Variants in HS3ST3A1 observed in about 807,000 individuals in gnomAD.
HS3ST3A1 encodes heparan sulfate glucosamine 3-O-sulfotransferase 3A1.
In HS3ST3A1, 19 loss-of-function variants were observed where a neutral mutation model predicts 25.7. That is an observed-to-expected ratio of 0.74 (90% CI 0.52 to 1.08). The LOEUF (loss-of-function observed/expected upper bound fraction) is 1.08, where lower values mean the gene tolerates loss of function less well. Ranked by LOEUF, HS3ST3A1 falls within the 50% of genes least tolerant of loss-of-function variation. The pLI, the probability that HS3ST3A1 is intolerant of heterozygous loss-of-function variation, is 0.00. For missense variants in HS3ST3A1, 459 were observed against 594.3 expected (o/e 0.77, Z 2.37); for synonymous variants, 226 against 278.6 (o/e 0.81, Z 1.88).
chr17:13,539,256 GCAAAT>G (rs771163224), intron 1 of HS3ST3A1, among the ~76,000 whole-genome samples: 44 of 152,204 alleles, frequency 2.9e-4, no homozygotes, highest in Non-Finnish European at 5.0e-4. Context: ...AGTAGCTGAT[GCAAAT>G]CCCAAGGCCA....
At chr17:13,563,526 ACTAGT>A (rs777310826) in intron 1 of HS3ST3A1, among the ~76,000 whole-genome samples, 23 of 152,206 alleles carry the variant, frequency 1.5e-4, no homozygotes, top group Non-Finnish European at 2.6e-4. Context: ...ATGTCCAGCT[ACTAGT>A]CTAAAGTGTT....
intron 1 of HS3ST3A1, among the ~76,000 whole-genome samples, chr17:13,505,989 T>G (rs1905656123): frequency 7.2e-6 from 1 of 138,152 alleles, no homozygotes; most frequent in Non-Finnish European, 1.5e-5. Flanking sequence ...GTCTCGCCAC[T>G]GCACTCCAGC....
intron 1 of HS3ST3A1, among the ~76,000 whole-genome samples, chr17:13,566,656 T>C (rs914473961): frequency 4.6e-5 from 7 of 152,130 alleles, no homozygotes; most frequent in Non-Finnish European, 1.0e-4. Flanking sequence ...AACACACAAA[T>C]GATAAGAAAG....
At chr17:13,573,980 C>T (rs1029985757) in intron 1 of HS3ST3A1, among the ~76,000 whole-genome samples, 1 of 152,126 alleles carries the variant, frequency 6.6e-6, no homozygotes, top group South Asian at 2.1e-4. Context: ...GACTTTCCAA[C>T]CTCCATAGAA....
chr17:13,598,430 C>T lies in HS3ST3A1; in HGVS notation c.599+2101G>A, dbSNP rs561600083. Among the ~76,000 whole-genome samples the T allele has an allele frequency of 8.1e-4, 123 of 151,912 alleles. 1 individual carries two copies. The highest frequency in any genetic ancestry group is 1.6e-3 in the Non-Finnish European group (106 of 67,970). On this transcript the variant is annotated intron_variant, in intron 1 of 1. Transcript: ENST00000284110. ...AAGTTTCCTATGTAATTGAGTTAAA[C>T]GTAAATTTATGCATCCAATAAAAAA...
At chr17:13,565,507 G>A (rs982591939) in intron 1 of HS3ST3A1, among the ~76,000 whole-genome samples, 4 of 152,124 alleles carry the variant, frequency 2.6e-5, no homozygotes, top group South Asian at 2.1e-4. Flanking sequence ...ACTCCAGCCT[G>A]GGCTACAGAG....
At chr17:13,579,727 A>C (rs1598431950) in intron 1 of HS3ST3A1, among the ~76,000 whole-genome samples, 1 of 147,382 alleles carries the variant, frequency 6.8e-6, no homozygotes, top group South Asian at 2.2e-4. Context: ...AAAAAAAAAA[A>C]ATCATAAGAA....
intron 1 of HS3ST3A1, among the ~76,000 whole-genome samples, chr17:13,517,547 A>G (rs564057725): frequency 6.6e-6 from 1 of 152,376 alleles, no homozygotes; most frequent in African/African-American, 2.4e-5. Context: ...TAGAGCCATA[A>G]GTGACCTCCC....
intron 1 of HS3ST3A1, among the ~76,000 whole-genome samples, chr17:13,591,013 C>T (rs923996146): frequency 2.0e-5 from 3 of 151,538 alleles, no homozygotes; most frequent in Admixed American, 1.3e-4. Context: ...ATTCAGCAAG[C>T]GTCCTTCTGA....
chr17:13,522,867 CA>C (rs1906293472), intron 1 of HS3ST3A1, among the ~76,000 whole-genome samples: 1 of 151,598 alleles, frequency 6.6e-6, no homozygotes, highest in South Asian at 2.1e-4. Flanking sequence ...CACACACACA[CA>C]CACACACACA....
intron 1 of HS3ST3A1, among the ~76,000 whole-genome samples, chr17:13,581,500 T>C (rs1368836141): frequency 1.3e-5 from 2 of 149,830 alleles, no homozygotes; most frequent in Non-Finnish European, 3.0e-5. Flanking sequence ...AACTTCCTAA[T>C]TAATAAACTT....
At chr17:13,536,309 A>G (rs1906768577) in intron 1 of HS3ST3A1, among the ~76,000 whole-genome samples, 1 of 152,066 alleles carries the variant, frequency 6.6e-6, no homozygotes. Context: ...CAAAAAAAAA[A>G]ATTAAGTTGT....
At chr17:13,593,217 CT>C (rs146162550) in intron 1 of HS3ST3A1, among the ~76,000 whole-genome samples, 18,546 of 132,952 alleles carry the variant, frequency 0.14, 1,352 homozygotes, top group African/African-American at 0.17. Context: ...ACACCTGTTC[CT>C]TCTATGTTTG....
At chr17:13,593,848 G>A (rs181372824) in intron 1 of HS3ST3A1, among the ~76,000 whole-genome samples, 11 of 152,124 alleles carry the variant, frequency 7.2e-5, no homozygotes, top group African/African-American at 1.4e-4. Flanking sequence ...AGAAACTGAC[G>A]TTGGTATAAT....
chr17:13,558,395 G>T (rs1907437431), intron 1 of HS3ST3A1, among the ~76,000 whole-genome samples: 1 of 151,882 alleles, frequency 6.6e-6, no homozygotes. Context: ...AAAGTACTAT[G>T]TACTTCAATA....
chr17:13,582,072 A>G (rs1908129327), intron 1 of HS3ST3A1, among the ~76,000 whole-genome samples: 1 of 152,130 alleles, frequency 6.6e-6, no homozygotes, highest in African/African-American at 2.4e-5. Context: ...CCTGGCAAAC[A>G]GTTTGACCAA....
intron 1 of HS3ST3A1, among the ~76,000 whole-genome samples, chr17:13,596,728 G>A (rs935367685): frequency 6.6e-6 from 1 of 152,046 alleles, no homozygotes; most frequent in Non-Finnish European, 1.5e-5. Flanking sequence ...TTGCATGGGC[G>A]GCCAGACTGC....
intron 1 of HS3ST3A1, among the ~76,000 whole-genome samples, chr17:13,599,968 C>G (rs1476810431): frequency 6.6e-6 from 1 of 152,212 alleles, no homozygotes; most frequent in African/African-American, 2.4e-5. Context: ...GTTGCTTTCC[C>G]TTGCTCAGAC....
chr17:13,532,399 A>C (rs1279835071), intron 1 of HS3ST3A1, among the ~76,000 whole-genome samples: 4 of 152,136 alleles, frequency 2.6e-5, no homozygotes, highest in Non-Finnish European at 4.4e-5. Context: ...ATTAGGAAAC[A>C]GGGTCCTAAG....
Sources: gnomAD v4.1 joint callset for allele counts (sites outside exome capture counted in the v4.1 genomes callset) on GRCh38, gnomAD v4.1.1 for gene constraint, MANE v1.5 for transcripts, NCBI Gene and HGNC (gene_info 2026-07-23, HGNC 2026-07-21) for gene names.